Variants in CDK11A observed in about 807,000 individuals in gnomAD.
CDK11A encodes the protein cyclin dependent kinase 11A, also known as cyclin-dependent kinase 11A.
A neutral mutation model predicts 83.6 loss-of-function variants in CDK11A; 55 were observed. That is an observed-to-expected ratio of 0.66 (90% confidence interval 0.53 to 0.82). CDK11A has a LOEUF of 0.82. Ranked by LOEUF, CDK11A falls within the 40% of genes least tolerant of loss-of-function variation. The pLI is 0.00. For synonymous variants in CDK11A, 247 were observed against 302.7 expected (o/e 0.82, Z 1.91); for missense variants, 564 against 810.1 (o/e 0.70, Z 3.69).
In CDK11A at chr1:1,708,893, CT is replaced by C; in HGVS notation, c.903del (p.Ser303AlafsTer35). On this transcript the variant is annotated frameshift_variant, in exon 9 of 20. Transcript: ENST00000404249. LOFTEE classifies it high-confidence loss of function. Reference sequence around the variant, plus strand: ...TCCTCTGATTCTTCACTGGTGCTCCCTTCCTCCTCCTCCTCTTCCTCCTCCT... The same window carrying C: ...TCCTCTGATTCTTCACTGGTGCTCCCTCCTCCTCCTCCTCTTCCTCCTCCT... Reference protein sequence around the residue: ...EEEEEEEEEEEGSTSEESEEE... With the variant: ...EEEEEEEEEEXGSTSEESEEE... 1.0e-6 allele frequency: 1 copy of C among 964,292 alleles called. No homozygotes were observed. Among genetic ancestry groups the C allele is most frequent in the Non-Finnish European group, 1.6e-6 (1 of 622,568 alleles). 59.7% of individuals were successfully genotyped at this position (964,292 alleles called of 1,614,324 possible).
At position 1,708,852 on chromosome 1, in the gene CDK11A, C is replaced by CTCT. The variant is rs1196718932; in HGVS notation, c.942_944dup (p.Glu321dup). The CTCT allele has an allele frequency of 8.2e-7, 1 of 1,222,564 alleles. No individual in the cohort carries two copies. The highest frequency in any genetic ancestry group is 2.2e-5 in the Admixed American group (1 of 45,640). 75.7% of individuals were successfully genotyped at this position (1,222,564 alleles called of 1,614,324 possible). On this transcript the variant is annotated inframe_insertion, in exon 9 of 20. Transcript: ENST00000404249. Reference sequence around the variant, plus strand: ...TGCCGGTCTCCTCCTCCTCCTCTTCCTCTTCCTCCTCCTCCTCCTCTGATT... The same window carrying CTCT: ...TGCCGGTCTCCTCCTCCTCCTCTTCCTCTTCTTCCTCCTCCTCCTCCTCTGATT...
intron 1 of CDK11A, among the ~76,000 whole-genome samples, chr1:1,723,485 T>C (rs1225464324): frequency 8.0e-5 from 1 of 12,562 alleles, no homozygotes; most frequent in Non-Finnish European, 2.2e-4. Context: ...CAAGACCCCG[T>C]CTCAAAAAAA....
In CDK11A at chr1:1,718,881, C is replaced by A. The variant is rs186081131; in HGVS notation, c.355+447G>T. Among the ~76,000 whole-genome samples, 492 of 151,004 alleles carry A rather than the reference C, an allele frequency of 3.3e-3. 24 individuals carry two copies. The highest frequency in any genetic ancestry group is 0.011 in the African/African-American group (452 of 41,176). The stretch of plus-strand genomic sequence containing the variant: ...TTGATCTCCTGACCTTGTGATCCAC[C>A]CGCCTCAGCCTCCCAAAGTGCTGGG... On this transcript the variant is annotated intron_variant, in intron 4 of 19. Coordinates refer to ENST00000404249, the MANE Select transcript of CDK11A (RefSeq NM_024011.4).
chr1:1,704,164 C>A lies in CDK11A; in HGVS notation c.1687-18G>T, dbSNP rs375960237. ...TCACCCACCTGCAACGACAGATGGG[C>A]GGCTGTGGGTGGGCCTGGGCGGGTC... is the stretch of plus-strand genomic sequence containing the variant. On this transcript the variant is annotated intron_variant, in intron 15 of 19. Coordinates refer to ENST00000404249, the MANE Select transcript of CDK11A (RefSeq NM_024011.4). The A allele has an allele frequency of 1.2e-6, 2 of 1,606,712 alleles. No individual in the cohort carries two copies. Among genetic ancestry groups the A allele is most frequent in the South Asian group, 1.1e-5 (1 of 90,556 alleles).
At chr1:1,704,409 C>A in intron 14 of CDK11A, 65 bp from the exon 15 acceptor site, 1 of 1,586,784 alleles carries the variant, frequency 6.3e-7, no homozygotes, top group Non-Finnish European at 8.6e-7. Flanking sequence ...CAGGGTGGCC[C>A]GCTCGCCTCG....
In CDK11A at chr1:1,702,920, C is replaced by G; in HGVS notation, c.2330G>C (p.Ser777Thr). The G allele has an allele frequency of 2.1e-6, 1 of 478,764 alleles. No homozygotes were observed. Among genetic ancestry groups the G allele is most frequent in the Admixed American group, 4.2e-5 (1 of 23,936 alleles). 29.7% of individuals were successfully genotyped at this position (478,764 alleles called of 1,614,324 possible). A position where few individuals can be genotyped will look rare whatever the true frequency, so the allele number is the denominator to read the frequency against. Residue 777 changes from serine to threonine, a missense_variant, in exon 20 of 20, where the codon AGC becomes ACC. This residue lies in a region of CDK11A where 361 missense variants were observed against 402.7 expected (regional missense o/e 0.90). Coordinates refer to ENST00000404249, the MANE Select transcript of CDK11A (RefSeq NM_024011.4). Reference protein sequence around the residue: ...QGASAAGPGFSLKF With the variant: ...QGASAAGPGFTLKF Reference sequence around the variant, plus strand: ...CCACTCTGACCTTCAGAACTTGAGGCTGAAGCCGGGGCCCGCGGCAGAGGC... The same window carrying G: ...CCACTCTGACCTTCAGAACTTGAGGGTGAAGCCGGGGCCCGCGGCAGAGGC...
chr1:1,704,069 G>T lies in CDK11A; in HGVS notation c.1764C>A (p.Tyr588Ter). The change falls in exon 16 of 20, where the codon TAC (tyrosine) becomes TAA (stop). Residue 588 changes from tyrosine to a stop codon, truncating the protein, a stop_gained. Coordinates refer to ENST00000404249, the MANE Select transcript of CDK11A (RefSeq NM_024011.4). LOFTEE classifies it high-confidence loss of function. Reference sequence around the variant, plus strand: ...CACCAAGCAGCAGCTCTGGGGCGCGGTACCACTGGGTCACCACGACCGGGG... The same window carrying T: ...CACCAAGCAGCAGCTCTGGGGCGCGTTACCACTGGGTCACCACGACCGGGG... ...AYTPVVVTQW[Y>*]RAPELLLGAK... 1 of 1,596,090 alleles carries T rather than the reference G, an allele frequency of 6.3e-7. No homozygotes were observed.
Position 1,704,319 on chromosome 1 carries a change from C to T in CDK11A, c.1590G>A (p.Gln530=), listed in dbSNP as rs758440722. 2 of 1,607,430 alleles carry T rather than the reference C, an allele frequency of 1.2e-6. No homozygotes were observed. Among genetic ancestry groups the T allele is most frequent in the East Asian group, 4.5e-5 (2 of 44,766 alleles). The part of the protein sequence containing the change: ...LPGEVKTLMI[Q]LLRGVKHLHD... ...GCAGGTGTTTCACCCCCCGCAGCAG[C>T]TGGATCATCAGGGTCTTCACCTCCC... The change falls in exon 15 of 20, where the codon CAG becomes CAA. Residue 530 remains glutamine, a synonymous_variant. Transcript: ENST00000404249.
intron 1 of CDK11A, 136 bp downstream of exon 1, chr1:1,724,122 A>C (rs1256674010): frequency 2.0e-5 from 3 of 149,120 alleles, no homozygotes; most frequent in Non-Finnish European, 3.0e-5. Flanking sequence ...GTGCGGGATG[A>C]GACTGTCCGC....
At chr1:1,710,828 G>A (rs976997554) in intron 6 of CDK11A, among the ~76,000 whole-genome samples, 4 of 109,856 alleles carry the variant, frequency 3.6e-5, no homozygotes, top group African/African-American at 1.2e-4. Context: ...GAGCTAATAA[G>A]TACATGCTCA....
intron 4 of CDK11A, among the ~76,000 whole-genome samples, chr1:1,716,707 A>G (rs1473258563): frequency 2.7e-5 from 4 of 148,714 alleles, no homozygotes; most frequent in African/African-American, 9.9e-5. Context: ...CCAGGTACTA[A>G]GGGAGGCTGA....
chr1:1,715,830 G>A (rs1644615412), intron 5 of CDK11A, among the ~76,000 whole-genome samples: 1 of 151,068 alleles, frequency 6.6e-6, no homozygotes, highest in East Asian at 1.9e-4. Context: ...TCTTTCTTGG[G>A]AATCTGGCTC....
chr1:1,706,626 G>A (rs1644321819), intron 11 of CDK11A, among the ~76,000 whole-genome samples: 1 of 151,354 alleles, frequency 6.6e-6, no homozygotes, highest in South Asian at 2.1e-4. Flanking sequence ...CACTGAGGAC[G>A]GGCCCTACCT....
rs1270320017 is a variant in CDK11A at position 1,702,599 on chromosome 1, C to T, written c.*308G>A. ...GATTAAACAATCCACCCGGCTCCCA[C>T]CAGTTCCTTTCCAAATCACGGCCCA... On this transcript the variant is annotated 3_prime_UTR_variant, in exon 20 of 20. Transcript: ENST00000404249. The T allele has an allele frequency of 1.0e-5, 4 of 390,530 alleles. No homozygotes were observed. The highest frequency in any genetic ancestry group is 1.5e-5 in the Non-Finnish European group (3 of 204,928). 24.2% of individuals were successfully genotyped at this position (390,530 alleles called of 1,614,324 possible).
chr1:1,715,233 C>G (rs1570409839), intron 5 of CDK11A, among the ~76,000 whole-genome samples: 1 of 121,030 alleles, frequency 8.3e-6, no homozygotes. Flanking sequence ...GTTGCCCAGG[C>G]TGGCGTCATG....
At chr1:1,720,599 A>G (rs184516964) in intron 3 of CDK11A, among the ~76,000 whole-genome samples, 2 of 145,512 alleles carry the variant, frequency 1.4e-5, no homozygotes, top group Non-Finnish European at 3.0e-5. Context: ...GGGTTTCACC[A>G]TATTGGTCAG....
rs1435677867 is a variant in CDK11A, at chr1:1,702,704, G to C, written c.*203C>G. 3.2e-6 allele frequency: 2 copies of C among 627,492 alleles called. No homozygotes were observed. Among genetic ancestry groups the C allele is most frequent in the Non-Finnish European group, 5.6e-6 (2 of 355,280 alleles). The allele number at this position is 627,492 out of a possible 1,614,324, so 38.9% of individuals were successfully genotyped here. ...CCACGTGGGCACCCGAAGATGCCCT[G>C]GCAAGTCACGGAGAAAACACAGCTC... On this transcript the variant is annotated 3_prime_UTR_variant, in exon 20 of 20. Transcript: ENST00000404249.
chr1:1,720,196 G>A (rs1186590458), intron 3 of CDK11A, among the ~76,000 whole-genome samples: 2 of 149,318 alleles, frequency 1.3e-5, no homozygotes, highest in Admixed American at 6.7e-5. Flanking sequence ...CTGGGTTCAT[G>A]CCATTCTCCT....
chr1:1,707,078 G>A (rs1644342879), intron 11 of CDK11A, among the ~76,000 whole-genome samples: 1 of 143,006 alleles, frequency 7.0e-6, no homozygotes, highest in Non-Finnish European at 1.5e-5. Flanking sequence ...GCCCACGCAG[G>A]GGTCAAGTGG....
Sources: allele counts gnomAD v4.1 joint callset (sites outside exome capture counted in the v4.1 genomes callset), GRCh38; gene constraint gnomAD v4.1.1; regional missense constraint gnomAD v4.1.1; transcripts MANE v1.5; gene names NCBI Gene and HGNC (gene_info 2026-07-23, HGNC 2026-07-21).